The following TMEM132B variants were observed in gnomAD, a reference collection of about 807,000 sequenced individuals.
TMEM132B encodes transmembrane protein 132B.
Under a neutral mutation model 90.8 loss-of-function variants are expected in TMEM132B, and 18 were observed. The observed-to-expected ratio is 0.20, with a 90% CI of 0.14 to 0.29. The LOEUF is 0.29. TMEM132B is among the 10% of genes least tolerant of loss of function. The pLI, the probability that TMEM132B is intolerant of heterozygous loss-of-function variation, is 1.00. For missense variants in TMEM132B, 1,096 were observed against 1,326.8 expected (o/e 0.83, Z 2.70); for synonymous variants, 504 against 523.3 (o/e 0.96, Z 0.50).
intron 1 of TMEM132B, among the ~76,000 whole-genome samples, chr12:125,281,842 C>A (rs1241818820): frequency 1.3e-5 from 2 of 151,744 alleles, no homozygotes; most frequent in East Asian, 1.9e-4. Flanking sequence ...TTCTGGCTAA[C>A]ACGGTGAAAC....
At chr12:125,532,662 G>GC (rs1883675689) in intron 4 of TMEM132B, among the ~76,000 whole-genome samples, 1 of 151,878 alleles carries the variant, frequency 6.6e-6, no homozygotes, top group Non-Finnish European at 1.5e-5. Context: ...TTATAGGTGT[G>GC]CGCCACCATG....
chr12:125,451,423 T>C (rs1006765543), intron 3 of TMEM132B, among the ~76,000 whole-genome samples: 1 of 152,128 alleles, frequency 6.6e-6, no homozygotes. Flanking sequence ...AGTGAGTGCA[T>C]GTAGATGCAC....
intron 4 of TMEM132B, among the ~76,000 whole-genome samples, chr12:125,535,320 C>A (rs761941903): frequency 7.2e-5 from 11 of 152,080 alleles, no homozygotes; most frequent in Admixed American, 2.0e-4. Context: ...AGATCCTGAG[C>A]GGGGGAAAAG....
intron 1 of TMEM132B, among the ~76,000 whole-genome samples, chr12:125,272,080 G>T (rs1453285987): frequency 6.6e-6 from 1 of 152,206 alleles, no homozygotes; most frequent in Non-Finnish European, 1.5e-5. Flanking sequence ...AGGGCCATTA[G>T]CCAAATGTTA....
At chr12:125,529,416 A>C (rs770988568) in intron 4 of TMEM132B, among the ~76,000 whole-genome samples, 2 of 152,136 alleles carry the variant, frequency 1.3e-5, no homozygotes, top group Non-Finnish European at 2.9e-5. Context: ...TTAAGTACCC[A>C]GGAGGCCTTT....
chr12:125,589,538 A>G (rs1885271152), intron 5 of TMEM132B, among the ~76,000 whole-genome samples: 1 of 152,026 alleles, frequency 6.6e-6, no homozygotes, highest in Non-Finnish European at 1.5e-5. Flanking sequence ...CTTATAAAGA[A>G]AAGAGGTTTA....
chr12:125,612,748 C>A (rs182591915), intron 5 of TMEM132B, among the ~76,000 whole-genome samples: 1 of 139,952 alleles, frequency 7.1e-6, no homozygotes, highest in African/African-American at 2.6e-5. Flanking sequence ...ATACATGTCC[C>A]TCTGTCCTTT....
intron 2 of TMEM132B, among the ~76,000 whole-genome samples, chr12:125,364,759 A>G (rs1366352391): frequency 2.6e-5 from 4 of 151,990 alleles, no homozygotes; most frequent in Non-Finnish European, 5.9e-5. Context: ...TTATATTTTA[A>G]TATTATAAAT....
intron 3 of TMEM132B, among the ~76,000 whole-genome samples, chr12:125,517,681 C>T (rs1297494143): frequency 6.6e-6 from 1 of 152,162 alleles, no homozygotes; most frequent in African/African-American, 2.4e-5. Context: ...ATTCATATTA[C>T]TGGATGGTAC....
intron 1 of TMEM132B, among the ~76,000 whole-genome samples, chr12:125,207,920 A>G (rs561185665): frequency 6.6e-6 from 1 of 152,366 alleles, no homozygotes; most frequent in African/African-American, 2.4e-5. Flanking sequence ...ACTGAATAAC[A>G]TCCCACTAGG....
intron 1 of TMEM132B, among the ~76,000 whole-genome samples, chr12:125,303,521 C>T (rs7304685): frequency 0.01 from 1,527 of 152,262 alleles, 26 homozygotes; most frequent in African/African-American, 0.035. Flanking sequence ...ATTGCTGGAT[C>T]GTATGGTAAT....
chr12:125,381,611 T>TG (rs1426389722), intron 2 of TMEM132B, among the ~76,000 whole-genome samples: 1 of 152,096 alleles, frequency 6.6e-6, no homozygotes, highest in Non-Finnish European at 1.5e-5. Context: ...TCCATTCCAG[T>TG]GGTTCTGAAA....
At chr12:125,639,229 A>G (rs779693390) in intron 5 of TMEM132B, among the ~76,000 whole-genome samples, 23 of 152,234 alleles carry the variant, frequency 1.5e-4, no homozygotes, top group East Asian at 5.8e-4. Context: ...TAAAAGGCCA[A>G]TTGACCACTG....
At chr12:125,489,209 ATAGT>A (rs1265960648) in intron 3 of TMEM132B, among the ~76,000 whole-genome samples, 1 of 152,210 alleles carries the variant, frequency 6.6e-6, no homozygotes, top group Admixed American at 6.5e-5. Context: ...GAGAATTAAG[ATAGT>A]TAGAGACTGA....
intron 1 of TMEM132B, among the ~76,000 whole-genome samples, chr12:125,199,507 C>T (rs1388873314): frequency 6.6e-6 from 1 of 152,124 alleles, no homozygotes; most frequent in Non-Finnish European, 1.5e-5. Context: ...AAGGATGATG[C>T]TTGGGGCATC....
intron 1 of TMEM132B, among the ~76,000 whole-genome samples, chr12:125,266,541 G>A (rs1383907579): frequency 1.3e-5 from 2 of 152,320 alleles, no homozygotes; most frequent in East Asian, 3.9e-4. Context: ...AAGTCTAGTT[G>A]CTCAGGCCAG....
chr12:125,599,126 T>C (rs2136914679), intron 5 of TMEM132B, among the ~76,000 whole-genome samples: 1 of 152,286 alleles, frequency 6.6e-6, no homozygotes, highest in Admixed American at 6.5e-5. Flanking sequence ...AGGAGGGACC[T>C]AGTGGGAGGT....
At chr12:125,523,569 G>C (rs914048117) in intron 4 of TMEM132B, among the ~76,000 whole-genome samples, 1 of 152,194 alleles carries the variant, frequency 6.6e-6, no homozygotes, top group Non-Finnish European at 1.5e-5. Flanking sequence ...CAGGTTCTGG[G>C]ATTAGGACGT....
intron 1 of TMEM132B, among the ~76,000 whole-genome samples, chr12:125,283,884 CA>C (rs1339460525): frequency 6.6e-6 from 1 of 152,228 alleles, no homozygotes; most frequent in Non-Finnish European, 1.5e-5. Flanking sequence ...ACTTTGAGAT[CA>C]ACCCTCTCAT....
Sources: allele counts gnomAD v4.1 joint callset (sites outside exome capture counted in the v4.1 genomes callset), GRCh38; gene constraint gnomAD v4.1.1; transcripts MANE v1.5; gene names NCBI Gene and HGNC (gene_info 2026-07-23, HGNC 2026-07-21).